The following MYH3 variants were observed in gnomAD, a reference collection of about 807,000 sequenced individuals.
MYH3 encodes the protein myosin heavy chain 3, also known as myosin-3.
A neutral mutation model predicts 238.0 loss-of-function variants in MYH3; 130 were observed. The ratio of observed to expected loss-of-function variants is 0.55; its 90% CI spans 0.47 to 0.63. The LOEUF is 0.63. Ranked by LOEUF, MYH3 falls within the 30% of genes least tolerant of loss-of-function variation. The pLI, the probability that MYH3 is intolerant of heterozygous loss-of-function variation, is 0.00. For synonymous variants in MYH3, 880 were observed against 924.1 expected (o/e 0.95, Z 0.86); for missense variants, 1,853 against 2,374.9 (o/e 0.78, Z 4.57).
rs2074242611 is a variant in MYH3, at chr17:10,638,870, T to C, written c.3339+3A>G. On this transcript the variant is annotated splice_donor_region_variant and intron_variant, in intron 26 of 40. Transcript: ENST00000583535. ...GGAAGAGAGAAATGCAGAGGGCTCC[T>C]ACCTGCAACTCTTTGATTTTCTTCT... The C allele has an allele frequency of 3.1e-6, 5 of 1,613,158 alleles. No individual in the cohort carries two copies. The South Asian group carries it at 4.4e-5, about 14-fold the overall frequency.
Position 10,639,788 on chromosome 17 carries a change from C to T in MYH3, c.2697G>A (p.Leu899=). The T allele has an allele frequency of 1.9e-6, 3 of 1,613,700 alleles. No homozygotes were observed. Among genetic ancestry groups the T allele is most frequent in the African/African-American group, 1.3e-5 (1 of 74,862 alleles). Reference sequence around the variant, plus strand: ...GATCGCATCTTTCCTCAGCATCCAACAAATTTTCGCTTTCCTTAAAAAAAA... The same window carrying T: ...GATCGCATCTTTCCTCAGCATCCAATAAATTTTCGCTTTCCTTAAAAAAAA... ...QLQVQAESEN[L]LDAEERCDQL... Residue 899 remains leucine (L), a synonymous_variant, in exon 23 of 41, where the codon TTG becomes TTA. Coordinates refer to ENST00000583535, the MANE Select transcript of MYH3 (RefSeq NM_002470.4).
the MYH3 span, among the ~76,000 whole-genome samples, chr17:10,666,970 T>C: frequency 6.6e-6 from 1 of 151,928 alleles, no homozygotes; most frequent in East Asian, 1.9e-4. Context: ...GCTTTAAACA[T>C]ATGAAAAATG....
intron 5 of MYH3, among the ~76,000 whole-genome samples, chr17:10,651,275 T>A (rs1352616951): frequency 6.6e-6 from 1 of 152,010 alleles, no homozygotes; most frequent in Non-Finnish European, 1.5e-5. Flanking sequence ...TTGGTTTTGA[T>A]CCATGAAAAC....
chr17:10,663,947 C>T, the MYH3 span, among the ~76,000 whole-genome samples: 1 of 151,314 alleles, frequency 6.6e-6, no homozygotes, highest in Admixed American at 6.6e-5. Context: ...CCTGTAATCC[C>T]AGCTACTCAG....
At chr17:10,661,289 T>TAAAA (rs34393718), upstream of MYH3, among the ~76,000 whole-genome samples, 5 of 49,662 alleles carry the variant, frequency 1.0e-4, no homozygotes, top group Non-Finnish European at 1.8e-4. Flanking sequence ...AGACTCCATC[T>TAAAA]AAAAAAAAAA....
the MYH3 span, among the ~76,000 whole-genome samples, chr17:10,665,579 A>G: frequency 6.6e-6 from 1 of 152,250 alleles, no homozygotes; most frequent in African/African-American, 2.4e-5. Context: ...TAGAGAGGAT[A>G]AAATACTTAA....
At chr17:10,645,567 G>GC in intron 12 of MYH3, 140 bp downstream of exon 12, 3 of 1,041,380 alleles carry the variant, frequency 2.9e-6, no homozygotes, top group East Asian at 2.6e-5. Context: ...AGGTGATCTG[G>GC]CCCCCTCAGC....
At chr17:10,631,327 G>A (rs1329411005) in intron 36 of MYH3, among the ~76,000 whole-genome samples, 1 of 152,218 alleles carries the variant, frequency 6.6e-6, no homozygotes, top group Non-Finnish European at 1.5e-5. Flanking sequence ...TAACACCTCA[G>A]GTTCTTGTTT....
In MYH3 at chr17:10,650,390, G is replaced by C; in HGVS notation, c.517C>G (p.Gln173Glu). The C allele has an allele frequency of 1.2e-6, 2 of 1,612,776 alleles. No homozygotes were observed. Among genetic ancestry groups the C allele is most frequent in the Admixed American group, 3.3e-5 (2 of 60,018 alleles). The change falls in exon 6 of 41, where the codon CAG becomes GAG. Residue 173 changes from glutamine (Q) to glutamate (E), a missense_variant. Physicochemically the swap from Gln to Glu is conservative, Grantham distance 29. This residue lies in a region of MYH3 where 678 missense variants were observed against 1,058.9 expected (regional missense o/e 0.64). Transcript: ENST00000583535. ...YQFMLTDREN[Q>E]SILITGESGA... is the part of the protein sequence containing the mutation. The stretch of plus-strand genomic sequence containing the variant: ...GATACTTACGTGATCAGAATGGACT[G>C]GTTTTCACGATCTGCCAGAGGAAAA...
the MYH3 span, among the ~76,000 whole-genome samples, chr17:10,671,108 G>T: frequency 6.6e-6 from 1 of 152,084 alleles, no homozygotes; most frequent in East Asian, 1.9e-4. Flanking sequence ...TGGCCAAACT[G>T]GTCTCGAACT....
In MYH3 at chr17:10,654,639, T is replaced by C. The variant is rs1204505676; in HGVS notation, c.204+222A>G. ...ACAAAAATACCTGAAAACTAATTGTTTTAATCAGCCACAGCCAGACTCTAT... is the reference window on the plus strand; with the variant it reads ...ACAAAAATACCTGAAAACTAATTGTCTTAATCAGCCACAGCCAGACTCTAT... On this transcript the variant is annotated intron_variant, in intron 3 of 40. Coordinates refer to ENST00000583535, the MANE Select transcript of MYH3 (RefSeq NM_002470.4). The surrounding 1 kb of genome is among the most constrained non-coding windows in gnomAD (Gnocchi z 4.5). Among the ~76,000 whole-genome samples, 1 of 152,188 alleles carries C rather than the reference T, an allele frequency of 6.6e-6. No homozygotes were observed. The highest frequency in any genetic ancestry group is 1.5e-5 in the Non-Finnish European group (1 of 68,030).
At chr17:10,652,609 C>CTTTTTTTTTTTTT in intron 3 of MYH3, 46 bp from the exon 4 acceptor site, 2 of 423,518 alleles carry the variant, frequency 4.7e-6, no homozygotes, top group African/African-American at 4.4e-5. Flanking sequence ...GTCTGCACGT[C>CTTTTTTTTTTTTT]TTTTTTTTTT....
intron 30 of MYH3, 148 bp downstream of exon 30, chr17:10,635,218 GT>G: frequency 7.1e-7 from 1 of 1,410,418 alleles, no homozygotes; most frequent in Non-Finnish European, 9.7e-7. Context: ...AAAGCTGTTT[GT>G]TTTAATAAAA....
At chr17:10,671,572 A>ATTTTTT in the MYH3 span, among the ~76,000 whole-genome samples, 6 of 82,306 alleles carry the variant, frequency 7.3e-5, no homozygotes, top group Non-Finnish European at 1.1e-4. Flanking sequence ...TCTCAGGGTC[A>ATTTTTT]TTTTTTTTTT....
In MYH3 at chr17:10,639,188, A is replaced by C. The variant is rs748935017; in HGVS notation, c.3104T>G (p.Leu1035Arg). 10 of 1,613,990 alleles carry C rather than the reference A, an allele frequency of 6.2e-6. No individual in the cohort carries two copies. The Admixed American group carries it at 1.7e-4, about 27-fold the overall frequency. The change falls in exon 25 of 41, where the codon CTG (leucine) becomes CGG (arginine). Residue 1035 changes from leucine to arginine, a missense_variant and splice_region_variant. By Grantham distance (102) the Leu-to-Arg change is moderately radical (BLOSUM62 -2). This residue lies in a region of MYH3 where 1,044 missense variants were observed against 1,192.6 expected (regional missense o/e 0.88). Coordinates refer to ENST00000583535, the MANE Select transcript of MYH3 (RefSeq NM_002470.4). ...CTTTTCTTGTTCTAGGGAGCTTTCC[A>C]GCTGAAAAAGGCACCATTTCCTTTT... ...KSKLEQQVED[L>R]ESSLEQEKKL...
In MYH3 at chr17:10,645,837, A is replaced by G; in HGVS notation, c.1011T>C (p.Ile337=). 6.2e-7 allele frequency: 1 copy of G among 1,613,940 alleles called. No homozygotes were observed. Among genetic ancestry groups the G allele is most frequent in the South Asian group, 1.1e-5 (1 of 91,068 alleles). The part of the protein sequence containing the change: ...AEELLATDSA[I]DILGFTPEEK... Reference sequence around the variant, plus strand: ...CTTCTGGGGTGAAGCCCAGGATGTCAATGGCGCTCTGGCATGGAAAGGGCA... The same window carrying G: ...CTTCTGGGGTGAAGCCCAGGATGTCGATGGCGCTCTGGCATGGAAAGGGCA... Residue 337 remains isoleucine (I), a synonymous_variant, in exon 12 of 41, where the codon ATT becomes ATC. Transcript: ENST00000583535.
chr17:10,676,492 T>C, the MYH3 span: 10 of 152,154 alleles, frequency 6.6e-5, no homozygotes, highest in African/African-American at 2.2e-4. Flanking sequence ...CAAAATTAAA[T>C]GGTGGTAATC....
At chr17:10,640,745 A>G (rs962601213) in intron 19 of MYH3, 59 bp from the exon 20 acceptor site, 1 of 1,588,674 alleles carries the variant, frequency 6.3e-7, no homozygotes, top group African/African-American at 1.3e-5. Flanking sequence ...ACCTTGGAGA[A>G]CATGTAGTTC....
chr17:10,667,752 T>A, the MYH3 span, among the ~76,000 whole-genome samples: 96 of 146,224 alleles, frequency 6.6e-4, 1 homozygote, highest in Non-Finnish European at 5.0e-4. Flanking sequence ...GATATAGCGT[T>A]AAAAAAAAAA....
Sources: gnomAD v4.1 joint callset for allele counts (sites outside exome capture counted in the v4.1 genomes callset) on GRCh38, gnomAD v4.1.1 for gene constraint, gnomAD v4.1.1 regional missense constraint, Gnocchi (gnomAD v3.1) non-coding constraint, MANE v1.5 for transcripts, NCBI Gene and HGNC (gene_info 2026-07-23, HGNC 2026-07-21) for gene names.